Variants in C2CD3 observed in about 807,000 individuals in gnomAD.
C2CD3 encodes the protein C2 domain containing 3 centriole elongation regulator, also known as C2 domain-containing protein 3.
In C2CD3, 148 loss-of-function variants were observed where a neutral mutation model predicts 234.0. The observed-to-expected ratio is 0.63, with a 90% CI of 0.55 to 0.72. The LOEUF (loss-of-function observed/expected upper bound fraction) is 0.72. Among genes scored for constraint, C2CD3 ranks in the 30% least tolerant of loss-of-function variants. The probability of loss-of-function intolerance (pLI) is 0.00; values close to 1 mark genes in which losing one functional copy is unlikely to be tolerated. For missense variants in C2CD3, 2,577 were observed against 2,811.5 expected (o/e 0.92, Z 1.89); for synonymous variants, 1,000 against 1,035.4 (o/e 0.97, Z 0.66).
In C2CD3 at chr11:74,085,142, AT is replaced by A. The variant is rs397943793; in HGVS notation, c.3911-173del. ...CCCCAATCAAAGCCTGAATGCCTTC[AT>A]TTTTTTTTTTTTTTGGCAGGGTCTC... is the stretch of plus-strand genomic sequence containing the variant. On this transcript the variant is annotated intron_variant, in intron 21 of 32. Coordinates refer to ENST00000334126, the MANE Select transcript of C2CD3 (RefSeq NM_001286577.2). Among the ~76,000 whole-genome samples the A allele has an allele frequency of 1.3e-3, 183 of 139,294 alleles. 1 individual carries two copies. The highest frequency in any genetic ancestry group is 2.1e-3 in the Admixed American group (29 of 13,874). 91.4% of individuals were successfully genotyped at this position (139,294 alleles called of 152,430 possible).
chr11:74,130,856 T>C (rs1174982257), intron 7 of C2CD3, among the ~76,000 whole-genome samples: 1 of 152,212 alleles, frequency 6.6e-6, no homozygotes, highest in African/African-American at 2.4e-5. Flanking sequence ...GAGAAACAGC[T>C]TGTCAATTTC....
chr11:74,159,849 A>T lies in C2CD3; in HGVS notation c.483+1550T>A, dbSNP rs570978269. Among the ~76,000 whole-genome samples the T allele has an allele frequency of 3.2e-4, 49 of 152,280 alleles. 1 individual carries two copies. The South Asian group carries it at 9.8e-3, about 30-fold the overall frequency. ...TCACTCACCACTCACTCACTGACTCACCCAGAGCAACTTCTAGTCCTGTAA... is the reference window on the plus strand; with the variant it reads ...TCACTCACCACTCACTCACTGACTCTCCCAGAGCAACTTCTAGTCCTGTAA... On this transcript the variant is annotated intron_variant, in intron 3 of 32. Transcript: ENST00000334126.
intron 29 of C2CD3, among the ~76,000 whole-genome samples, chr11:74,039,977 T>C (rs369602077): frequency 9.2e-5 from 14 of 152,304 alleles, no homozygotes; most frequent in African/African-American, 3.1e-4. Context: ...TCTGAACATA[T>C]TACTTCTTCG....
intron 7 of C2CD3, among the ~76,000 whole-genome samples, 183 bp from the exon 8 acceptor site, chr11:74,123,318 C>T (rs1052960831): frequency 6.6e-6 from 1 of 152,192 alleles, no homozygotes; most frequent in African/African-American, 2.4e-5. Flanking sequence ...CTCTGGGATG[C>T]TAACAACCAG....
At chr11:74,069,994 T>C (rs1954721403) in intron 24 of C2CD3, among the ~76,000 whole-genome samples, 2 of 152,204 alleles carry the variant, frequency 1.3e-5, no homozygotes, top group South Asian at 2.1e-4. Flanking sequence ...CCCAGAGGTG[T>C]CCTGAACTCT....
Position 74,034,069 on chromosome 11 carries a change from C to T in C2CD3, c.6091G>A (p.Gly2031Arg). Residue 2031 changes from glycine to arginine, a missense_variant, in exon 31 of 33, where the codon GGA becomes AGA. Physicochemically the swap from Gly to Arg is moderately radical, Grantham distance 125. Transcript: ENST00000334126. ...CTCAGGGACTCATGGAGCATTCTTC[C>T]TCCATTTGAAGTCTCTTCGAGAGGA... ...PPPLEETSNGGRMLHESLRHA... is the reference protein window; with the variant it reads ...PPPLEETSNGRRMLHESLRHA... 5 of 1,536,348 alleles carry T rather than the reference C, an allele frequency of 3.3e-6. No homozygotes were observed. Among genetic ancestry groups the T allele is most frequent in the Non-Finnish European group, 4.4e-6 (5 of 1,146,950 alleles).
At chr11:74,053,718 T>G (rs1305748070) in intron 26 of C2CD3, among the ~76,000 whole-genome samples, 2 of 152,230 alleles carry the variant, frequency 1.3e-5, no homozygotes, top group Non-Finnish European at 2.9e-5. Flanking sequence ...TGTGGCAGGC[T>G]GTACGTTATG....
In C2CD3 at chr11:74,059,711, C is replaced by T. The variant is rs189198736; in HGVS notation, c.4952-2167G>A. Among the ~76,000 whole-genome samples the T allele has an allele frequency of 3.2e-3, 493 of 152,304 alleles. 3 individuals carry two copies. The Middle Eastern group carries it at 0.034, about 11-fold the overall frequency. On this transcript the variant is annotated intron_variant, in intron 24 of 32. Transcript: ENST00000334126. ...AACAGCTCCAGTCTGCAGCTCCCAG[C>T]GTGAGCAACGCAGAAGACGGTTGAT... is the stretch of plus-strand genomic sequence containing the variant.
chr11:74,145,109 G>T (rs537844398), intron 3 of C2CD3, among the ~76,000 whole-genome samples: 52 of 152,254 alleles, frequency 3.4e-4, no homozygotes, highest in African/African-American at 1.2e-3. Context: ...GGGTCAAATC[G>T]TAGTTCTGTT....
At chr11:74,058,199 T>C (rs182123549) in intron 24 of C2CD3, among the ~76,000 whole-genome samples, 40 of 152,344 alleles carry the variant, frequency 2.6e-4, no homozygotes, top group Middle Eastern at 3.4e-3. Context: ...CAATGTGATT[T>C]TGGGCAAGAA....
chr11:74,013,539 A>C lies in C2CD3; in HGVS notation c.6922-14T>G. 1.5e-6 allele frequency: 2 copies of C among 1,327,438 alleles called. No individual in the cohort carries two copies. Among genetic ancestry groups the C allele is most frequent in the Non-Finnish European group, 1.9e-6 (2 of 1,039,322 alleles). The allele number at this position is 1,327,438 out of a possible 1,614,324, so 82.2% of individuals were successfully genotyped here. On this transcript the variant is annotated splice_polypyrimidine_tract_variant and intron_variant, in intron 32 of 32. Transcript: ENST00000334126. ...TTCGCTCTTGTCCTGGAGAGGAAGA[A>C]GTCAGCTAGGTTACCACTGAGGATA... is the stretch of plus-strand genomic sequence containing the variant.
intron 22 of C2CD3, among the ~76,000 whole-genome samples, chr11:74,082,340 C>T (rs982726951): frequency 6.6e-6 from 1 of 152,118 alleles, no homozygotes; most frequent in Non-Finnish European, 1.5e-5. Context: ...TGGTCTCAAT[C>T]TCCTGACCTT....
chr11:74,128,647 C>T (rs2135530634), intron 7 of C2CD3: 2 of 151,898 alleles, frequency 1.3e-5, no homozygotes, highest in African/African-American at 4.8e-5. Context: ...AGCAGATAAA[C>T]AAGTGAACAA....
chr11:74,017,882 A>G (rs1348798508), intron 32 of C2CD3, among the ~76,000 whole-genome samples: 2 of 152,184 alleles, frequency 1.3e-5, no homozygotes, highest in Admixed American at 1.3e-4. Context: ...TCCAGCCCCC[A>G]GATGGATTCC....
chr11:74,081,595 G>A (rs1955363677), intron 22 of C2CD3, among the ~76,000 whole-genome samples: 1 of 143,810 alleles, frequency 7.0e-6, no homozygotes. Context: ...AATGGATATT[G>A]CCATATTCTT....
intron 11 of C2CD3, 172 bp from the exon 12 acceptor site, chr11:74,109,324 G>C: frequency 1.9e-6 from 1 of 528,638 alleles, no homozygotes. Context: ...AATGAGCAGG[G>C]ACAAAGAGAA....
intron 3 of C2CD3, among the ~76,000 whole-genome samples, chr11:74,159,558 T>A (rs1856297666): frequency 6.6e-6 from 1 of 151,816 alleles, no homozygotes. Context: ...TAAAAAAAAA[T>A]GAAAATAGAA....
At chr11:74,114,281 T>G in intron 10 of C2CD3, 103 bp downstream of exon 10, 2 of 799,704 alleles carry the variant, frequency 2.5e-6, no homozygotes, top group Non-Finnish European at 4.2e-6. Context: ...ATGATGCATA[T>G]GAAAACACAT....
intron 3 of C2CD3, among the ~76,000 whole-genome samples, chr11:74,157,717 C>T (rs534278248): frequency 6.6e-6 from 1 of 152,030 alleles, no homozygotes; most frequent in African/African-American, 2.4e-5. Flanking sequence ...CAAAGTATAA[C>T]CCTCCTGGAA....
Sources: allele counts gnomAD v4.1 joint callset (sites outside exome capture counted in the v4.1 genomes callset), GRCh38; gene constraint gnomAD v4.1.1; transcripts MANE v1.5; gene names NCBI Gene and HGNC (gene_info 2026-07-23, HGNC 2026-07-21).